DNAH7: variants seen among roughly 807,000 people sequenced by gnomAD.
DNAH7 encodes the protein axonemal beta dynein heavy chain 7.
A neutral mutation model predicts 444.6 loss-of-function variants in DNAH7; 397 were observed. The observed-to-expected ratio is 0.89, with a 90% CI of 0.82 to 0.97. DNAH7 has a LOEUF of 0.97. DNAH7 is among the 50% of genes least tolerant of loss of function. The pLI is 0.00. For missense variants in DNAH7, 4,902 were observed against 4,800.8 expected, an observed-to-expected ratio of 1.02 and a Z score of -0.62; for synonymous variants, 1,636 against 1,624.4, an observed-to-expected ratio of 1.01 and a Z score of -0.17.
intron 58 of DNAH7, among the ~76,000 whole-genome samples, chr2:195,782,895 GC>G (rs1055374370): frequency 4.6e-5 from 7 of 151,888 alleles, no homozygotes; most frequent in African/African-American, 9.7e-5. Context: ...ACAGCACAAG[GC>G]CCCCCCTTTA....
chr2:195,954,796 T>C (rs572964622), intron 19 of DNAH7, among the ~76,000 whole-genome samples: 3 of 152,378 alleles, frequency 2.0e-5, no homozygotes, highest in East Asian at 3.9e-4. Context: ...GAGCATTTTT[T>C]CATGTGCCTG....
chr2:195,772,899 G>C (rs988218637), intron 60 of DNAH7, among the ~76,000 whole-genome samples: 1 of 151,628 alleles, frequency 6.6e-6, no homozygotes, highest in African/African-American at 2.4e-5. Flanking sequence ...TCCTGCCTCG[G>C]TCTCCCAAAT....
chr2:195,912,626 G>A (rs969922680), intron 24 of DNAH7, among the ~76,000 whole-genome samples: 1 of 152,188 alleles, frequency 6.6e-6, no homozygotes, highest in African/African-American at 2.4e-5. Flanking sequence ...TCCGGTCACT[G>A]GAAGGGCTTT....
rs773370923 is a variant in DNAH7, at chr2:195,891,759, T to C, written c.4942A>G (p.Lys1648Glu). Residue 1648 changes from lysine (K) to glutamate (E), a missense_variant, in exon 31 of 65, where the codon AAG becomes GAG. Transcript: ENST00000312428. ...TACAGTTGGCCCATGGTGACAGACT[T>C]AGGATTTAAAACAGTTATTTGAACT... ...NKVQITVLNP[K>E]SVTMGQLYGQ... 3 of 1,607,796 alleles carry C rather than the reference T, an allele frequency of 1.9e-6. No individual in the cohort carries two copies. The highest frequency in any genetic ancestry group is 1.1e-5 in the South Asian group (1 of 89,010).
chr2:195,934,539 A>G, intron 21 of DNAH7, 52 bp downstream of exon 21: 4 of 1,544,128 alleles, frequency 2.6e-6, no homozygotes, highest in Non-Finnish European at 3.6e-6. Context: ...TATTTCTAAT[A>G]ACATTCATAT....
chr2:195,879,913 G>T (rs954923953), intron 36 of DNAH7, among the ~76,000 whole-genome samples: 3 of 152,080 alleles, frequency 2.0e-5, no homozygotes, highest in African/African-American at 7.2e-5. Context: ...CCACTATCAA[G>T]ATATTAAAAC....
intron 5 of DNAH7, among the ~76,000 whole-genome samples, chr2:196,045,945 A>C (rs538496189): frequency 6.6e-6 from 1 of 152,248 alleles, no homozygotes; most frequent in Admixed American, 6.5e-5. Context: ...ACAAGCTATT[A>C]AAGCACAGAA....
At chr2:196,016,105 C>T (rs1340979489) in intron 9 of DNAH7, among the ~76,000 whole-genome samples, 2 of 152,084 alleles carry the variant, frequency 1.3e-5, no homozygotes, top group East Asian at 1.9e-4. Context: ...ACTTTTTCTT[C>T]CCCCTTTTCA....
At chr2:195,849,156 C>T (rs957004699) in intron 46 of DNAH7, among the ~76,000 whole-genome samples, 4 of 152,096 alleles carry the variant, frequency 2.6e-5, no homozygotes, top group Non-Finnish European at 4.4e-5. Flanking sequence ...CTATTTATTG[C>T]GATGCTGAAA....
chr2:195,772,923 G>C (rs1020580764), intron 60 of DNAH7, among the ~76,000 whole-genome samples: 1 of 152,004 alleles, frequency 6.6e-6, no homozygotes, highest in African/African-American at 2.4e-5. Flanking sequence ...TGGGATTATA[G>C]GGGACTGCTA....
rs1168291419 is a variant in DNAH7, at chr2:195,933,657, C to A, written c.3471+934G>T. Reference sequence around the variant, plus strand: ...AGCAAACTAACACAAAGACAAAAAACCAAACACCGCATGTTCTCACTCATA... The same window carrying A: ...AGCAAACTAACACAAAGACAAAAAAACAAACACCGCATGTTCTCACTCATA... On this transcript the variant is annotated intron_variant, in intron 21 of 64. Coordinates refer to ENST00000312428, the MANE Select transcript of DNAH7 (RefSeq NM_018897.3). 6.0e-5 allele frequency among the ~76,000 whole-genome samples: 9 copies of A among 150,588 alleles called. No individual in the cohort carries two copies. In the East Asian group the frequency reaches 1.6e-3, roughly 26 times the overall value.
intron 2 of DNAH7, among the ~76,000 whole-genome samples, chr2:196,053,551 G>A (rs1197296932): frequency 2.6e-5 from 4 of 152,188 alleles, no homozygotes; most frequent in Admixed American, 1.3e-4. Flanking sequence ...ACTAGAGTCA[G>A]CAGTGAGGCT....
At chr2:195,808,159 A>G (rs1696796418) in intron 53 of DNAH7, among the ~76,000 whole-genome samples, 1 of 152,238 alleles carries the variant, frequency 6.6e-6, no homozygotes, top group African/African-American at 2.4e-5. Flanking sequence ...AAAAATTGAG[A>G]GAAAGCAACA....
intron 10 of DNAH7, among the ~76,000 whole-genome samples, chr2:196,003,891 G>A (rs930180679): frequency 1.3e-5 from 2 of 152,166 alleles, no homozygotes; most frequent in Admixed American, 1.3e-4. Flanking sequence ...AAACAAATAA[G>A]GAGTAACTAA....
intron 40 of DNAH7, among the ~76,000 whole-genome samples, chr2:195,871,462 T>TTA (rs1700684212): frequency 6.6e-6 from 1 of 152,078 alleles, no homozygotes. Flanking sequence ...CCTCTACCAC[T>TTA]TCTTATAAGA....
At position 195,845,269 on chromosome 2, in the gene DNAH7, T is replaced by C. The variant is rs925872435; in HGVS notation, c.8782-104A>G. Reference sequence around the variant, plus strand: ...CTGTATTCATTGAGTCAACAAACCATTGTGGAAACTCTACCTCAAAAATGA... The same window carrying C: ...CTGTATTCATTGAGTCAACAAACCACTGTGGAAACTCTACCTCAAAAATGA... On this transcript the variant is annotated intron_variant, in intron 46 of 64. Transcript: ENST00000312428. 18 of 857,538 alleles carry C rather than the reference T, an allele frequency of 2.1e-5. 1 individual carries two copies. The highest frequency in any genetic ancestry group is 1.4e-4 in the Admixed American group (4 of 28,922). 53.1% of individuals were successfully genotyped at this position (857,538 alleles called of 1,614,324 possible). A position where few individuals can be genotyped will look rare whatever the true frequency, so the allele number is the denominator to read the frequency against.
At chr2:195,982,773 C>T (rs192448846) in intron 15 of DNAH7, among the ~76,000 whole-genome samples, 119 of 152,128 alleles carry the variant, frequency 7.8e-4, no homozygotes, top group Non-Finnish European at 1.5e-3. Context: ...AAAATTAGAA[C>T]AATTGAACTC....
chr2:196,008,867 T>G (rs936753105), intron 10 of DNAH7, among the ~76,000 whole-genome samples: 9 of 152,216 alleles, frequency 5.9e-5, no homozygotes, highest in Admixed American at 4.6e-4. Flanking sequence ...TATCTGGGAC[T>G]GGGTAATTTA....
chr2:195,910,244 T>C, intron 24 of DNAH7, 49 bp from the exon 25 acceptor site: 1 of 1,379,376 alleles, frequency 7.2e-7, no homozygotes, highest in Non-Finnish European at 9.5e-7. Flanking sequence ...TGATTTTTTT[T>C]CCATTCACAT....
Sources: gnomAD v4.1 joint callset for allele counts (sites outside exome capture counted in the v4.1 genomes callset) on GRCh38, gnomAD v4.1.1 for gene constraint, MANE v1.5 for transcripts, NCBI Gene and HGNC (gene_info 2026-07-23, HGNC 2026-07-21) for gene names.